The following SEC31A variants were observed in gnomAD, a reference collection of about 807,000 sequenced individuals.
SEC31A encodes the protein protein transport protein Sec31A.
A neutral mutation model predicts 151.0 loss-of-function variants in SEC31A; 70 were observed. That is an observed-to-expected ratio of 0.46 (90% CI 0.38 to 0.57). The LOEUF (loss-of-function observed/expected upper bound fraction) is 0.57, where lower values mean the gene tolerates loss of function less well. Ranked by LOEUF, SEC31A falls within the 20% of genes least tolerant of loss-of-function variation. The probability of loss-of-function intolerance (pLI) is 0.00; values close to 1 mark genes in which losing one functional copy is unlikely to be tolerated. For synonymous variants in SEC31A, 475 were observed against 505.9 expected (o/e 0.94, Z 0.82); for missense variants, 1,330 against 1,471.2 (o/e 0.90, Z 1.57).
intron 3 of SEC31A, chr4:82,897,883 C>T (rs1578435610): frequency 6.6e-6 from 1 of 152,174 alleles, no homozygotes; most frequent in South Asian, 2.1e-4. Context: ...AGGTAGATTT[C>T]ATTAAAGCCT....
chr4:82,863,108 T>C (rs866149761), intron 12 of SEC31A: 15 of 475,608 alleles, frequency 3.2e-5, no homozygotes, highest in African/African-American at 1.2e-4. Context: ...ACAAGTTACA[T>C]AGTCATTTAT....
At chr4:82,858,267 C>T (rs1026123459) in intron 14 of SEC31A, among the ~76,000 whole-genome samples, 1 of 150,200 alleles carries the variant, frequency 6.7e-6, no homozygotes. Context: ...AAAAATTGGC[C>T]GGGTGCTGTG....
chr4:82,821,055 A>T lies in SEC31A; in HGVS notation c.3465T>A (p.Asp1155Glu), dbSNP rs550598763. ...AACTTACTGTCTGTTCCCTAAGTTT[A>T]TCATACAGAAACTCCAAACGTTTGC... ...DASKRLEFLY[D>E]KLREQTLSPT... is the part of the protein sequence containing the mutation. Residue 1155 changes from aspartate to glutamate, a missense_variant, in exon 26 of 27, where the codon GAT becomes GAA. Transcript: ENST00000395310. 2.5e-6 allele frequency: 4 copies of T among 1,613,826 alleles called. No homozygotes were observed. In the South Asian group the frequency reaches 3.3e-5, roughly 13 times the overall value.
In SEC31A at chr4:82,844,387, C is replaced by T. The variant is rs1173802373; in HGVS notation, c.2625G>A (p.Gln875=). Residue 875 remains glutamine (Q), a splice_region_variant and synonymous_variant, in exon 21 of 27, where the codon CAG becomes CAA. Coordinates refer to ENST00000395310, the MANE Select transcript of SEC31A (RefSeq NM_001077207.4). ...HTQVPPYPQP[Q]PYQPAQPYPF... ...GGACTTTGGGGTCACACTACTTACG[C>T]TGTGGCTGTGGATAAGGTGGTACCT... The T allele has an allele frequency of 6.2e-7, 1 of 1,613,934 alleles. No individual in the cohort carries two copies. Among genetic ancestry groups the T allele is most frequent in the Admixed American group, 1.7e-5 (1 of 59,960 alleles).
chr4:82,862,619 G>C (rs1734450689), intron 12 of SEC31A, 47 bp from the exon 13 acceptor site: 1 of 1,538,624 alleles, frequency 6.5e-7, no homozygotes, highest in African/African-American at 1.4e-5. Context: ...TTCTATTTCA[G>C]AGCATCCAGC....
At chr4:82,890,875 G>A (rs1719579866) in intron 1 of SEC31A, 17 of 1,385,850 alleles carry the variant, frequency 1.2e-5, no homozygotes, top group Non-Finnish European at 1.6e-5. Context: ...GGAGACGTCG[G>A]CGAATGCGGA....
At chr4:82,888,617 T>TGAC (rs1741504455) in intron 1 of SEC31A, among the ~76,000 whole-genome samples, 2 of 151,312 alleles carry the variant, frequency 1.3e-5, no homozygotes, top group Admixed American at 1.3e-4. Flanking sequence ...TGAACCCAGG[T>TGAC]GACGGAGTTT....
chr4:82,890,304 T>A (rs894488526), intron 1 of SEC31A, among the ~76,000 whole-genome samples: 1 of 151,430 alleles, frequency 6.6e-6, no homozygotes, highest in Non-Finnish European at 1.5e-5. Context: ...CACACCCTTA[T>A]CGATTAAATA....
At chr4:82,869,579 A>T (rs1736202784) in intron 8 of SEC31A, among the ~76,000 whole-genome samples, 1 of 152,172 alleles carries the variant, frequency 6.6e-6, no homozygotes, top group South Asian at 2.1e-4. Context: ...ATGAATTTTG[A>T]ATTTACTTGG....
At chr4:82,899,100 A>G (rs1720189992) in intron 3 of SEC31A, among the ~76,000 whole-genome samples, 1 of 152,236 alleles carries the variant, frequency 6.6e-6, no homozygotes, top group African/African-American at 2.4e-5. Context: ...GAAAGAAGCC[A>G]GTCACAAAGA....
intron 10 of SEC31A, among the ~76,000 whole-genome samples, chr4:82,866,520 G>A (rs904615562): frequency 5.3e-5 from 8 of 151,860 alleles, no homozygotes; most frequent in African/African-American, 1.9e-4. Flanking sequence ...AATATAAAGT[G>A]TTGGCTACAC....
intron 22 of SEC31A, among the ~76,000 whole-genome samples, chr4:82,836,038 T>G (rs1727152106): frequency 6.6e-6 from 1 of 152,046 alleles, no homozygotes; most frequent in Non-Finnish European, 1.5e-5. Flanking sequence ...AAACTAAATG[T>G]GGAATTACTG....
At position 82,872,003 on chromosome 4, in the gene SEC31A, G is replaced by A. The variant is rs1321312011; in HGVS notation, c.723C>T (p.Ile241=). The A allele has an allele frequency of 6.2e-7, 1 of 1,614,110 alleles. No homozygotes were observed. The highest frequency in any genetic ancestry group is 2.2e-5 in the East Asian group (1 of 44,878). The change falls in exon 7 of 27, where the codon ATC becomes ATT. Residue 241 remains isoleucine (I), a synonymous_variant. Transcript: ENST00000395310. ...LASEDDRLPV[I]QMWDLRFASS... ...AAGCAAATCGAAGATCCCACATCTG[G>A]ATCACTGGTAACCGGTCATCCTCGG...
intron 14 of SEC31A, among the ~76,000 whole-genome samples, chr4:82,860,439 G>T (rs1045100032): frequency 6.6e-6 from 1 of 152,018 alleles, no homozygotes; most frequent in African/African-American, 2.4e-5. Context: ...ATTTCTCTAT[G>T]TATCTTACAA....
At chr4:82,822,809 T>C (rs561043445) in intron 25 of SEC31A, among the ~76,000 whole-genome samples, 1 of 151,870 alleles carries the variant, frequency 6.6e-6, no homozygotes, top group African/African-American at 2.4e-5. Context: ...CCCTGTCTCT[T>C]CTAAAAATAC....
rs763128081 is a variant in SEC31A at position 82,848,153 on chromosome 4, G to A, written c.2502+651C>T. Among the ~76,000 whole-genome samples the A allele has an allele frequency of 3.9e-4, 57 of 147,052 alleles. 1 individual carries two copies. Among genetic ancestry groups the A allele is most frequent in the Middle Eastern group, 3.4e-3 (1 of 290 alleles). Reference sequence around the variant, plus strand: ...GGTTATCTGCTGGTCTGGAAATATGGAAGTTTCCATGTGAAACAGTAAAAA... The same window carrying A: ...GGTTATCTGCTGGTCTGGAAATATGAAAGTTTCCATGTGAAACAGTAAAAA... On this transcript the variant is annotated intron_variant, in intron 20 of 26. Transcript: ENST00000395310.
At position 82,866,864 on chromosome 4, in the gene SEC31A, G is replaced by A. The variant is rs895878678; in HGVS notation, c.1141C>T (p.Leu381=). Residue 381 remains leucine, a synonymous_variant, in exon 10 of 27, where the codon CTG becomes TTG. Coordinates refer to ENST00000395310, the MANE Select transcript of SEC31A (RefSeq NM_001077207.4). ...CACTTGGGCGGCTTCTTCAGAGGCA[G>A]CACTATACTATGCTGAGCAGTCTGC... The part of the protein sequence containing the change: ...PQQTAQHSIV[L]PLKKPPKWIR... The A allele has an allele frequency of 1.9e-6, 3 of 1,614,016 alleles. No individual in the cohort carries two copies. Among genetic ancestry groups the A allele is most frequent in the Non-Finnish European group, 2.5e-6 (3 of 1,180,022 alleles).
chr4:82,840,360 G>A (rs1484679314), intron 22 of SEC31A, among the ~76,000 whole-genome samples: 1 of 151,962 alleles, frequency 6.6e-6, no homozygotes, highest in Non-Finnish European at 1.5e-5. Flanking sequence ...TACCGAGAAA[G>A]GATACTATCT....
At chr4:82,826,867 G>A (rs2148990742) in intron 24 of SEC31A, among the ~76,000 whole-genome samples, 1 of 152,316 alleles carries the variant, frequency 6.6e-6, no homozygotes, top group Middle Eastern at 3.4e-3. Flanking sequence ...ATGTCTAAGT[G>A]TATTATGTAG....
Sources: allele counts gnomAD v4.1 joint callset (sites outside exome capture counted in the v4.1 genomes callset), GRCh38; gene constraint gnomAD v4.1.1; transcripts MANE v1.5; gene names NCBI Gene and HGNC (gene_info 2026-07-23, HGNC 2026-07-21).